CWC22: variants seen among roughly 807,000 people sequenced by gnomAD.
CWC22 encodes the protein pre-mRNA-splicing factor CWC22 homolog.
A neutral mutation model predicts 117.2 loss-of-function variants in CWC22; 53 were observed. The ratio of observed to expected loss-of-function variants is 0.45; its 90% CI spans 0.36 to 0.57. CWC22 has a LOEUF of 0.57. Among genes scored for constraint, CWC22 ranks in the 20% least tolerant of loss-of-function variants. The pLI, the probability that CWC22 is intolerant of heterozygous loss-of-function variation, is 0.00. For missense variants in CWC22, 980 were observed against 1,068.8 expected (o/e 0.92, Z 1.16); for synonymous variants, 360 against 355.6 (o/e 1.01, Z -0.14).
At chr2:179,955,241 T>C (rs1463323086) in intron 14 of CWC22, among the ~76,000 whole-genome samples, 1 of 152,026 alleles carries the variant, frequency 6.6e-6, no homozygotes. Flanking sequence ...CCACAGTCAT[T>C]TATGCTAATT....
chr2:179,977,672 A>G (rs1383635453), intron 6 of CWC22, among the ~76,000 whole-genome samples: 1 of 152,206 alleles, frequency 6.6e-6, no homozygotes, highest in Non-Finnish European at 1.5e-5. Flanking sequence ...GTTAATAACC[A>G]TATATTATAT....
In CWC22 at chr2:179,993,402, A is replaced by T; in HGVS notation, c.-61T>A. The T allele has an allele frequency of 8.4e-7, 1 of 1,196,686 alleles. No homozygotes were observed. 74.1% of individuals were successfully genotyped at this position (1,196,686 alleles called of 1,614,324 possible). Reference sequence around the variant, plus strand: ...CTTCAAACTGGTCCAAATAACAAGTACCCAATGCTCTGAATTCCTTGACAG... The same window carrying T: ...CTTCAAACTGGTCCAAATAACAAGTTCCCAATGCTCTGAATTCCTTGACAG... On this transcript the variant is annotated 5_prime_UTR_variant, in exon 2 of 20. Transcript: ENST00000410053.
At chr2:179,952,223 A>AAAC (rs977480837) in intron 17 of CWC22, among the ~76,000 whole-genome samples, 106 of 152,292 alleles carry the variant, frequency 7.0e-4, no homozygotes, top group African/African-American at 2.0e-3. Flanking sequence ...GAGCATACAA[A>AAAC]AACAATTCTG....
At chr2:179,962,523 C>T (rs982917331) in intron 13 of CWC22, among the ~76,000 whole-genome samples, 5 of 152,122 alleles carry the variant, frequency 3.3e-5, no homozygotes, top group Admixed American at 1.3e-4. Context: ...TTTTATCTGA[C>T]TTAATATTAC....
At chr2:179,988,888 T>G (rs542921060) in intron 2 of CWC22, among the ~76,000 whole-genome samples, 47 of 152,084 alleles carry the variant, frequency 3.1e-4, no homozygotes, top group African/African-American at 1.1e-3. Flanking sequence ...TTCTTTTTTT[T>G]TCTGTTTATT....
intron 1 of CWC22, among the ~76,000 whole-genome samples, chr2:179,995,749 G>A (rs1250240427): frequency 6.6e-6 from 1 of 152,212 alleles, no homozygotes; most frequent in African/African-American, 2.4e-5. Flanking sequence ...CCTTGAGAAA[G>A]GAGCAACATG....
chr2:179,993,325 G>A lies in CWC22; in HGVS notation c.17C>T (p.Ala6Val), dbSNP rs750015748. ...GTTTCAAACACTTACTTTTATCTGT[G>A]CCACACTACTTTTCATTTTCTGTTG... is the stretch of plus-strand genomic sequence containing the variant. Reference protein sequence around the residue: MKSSVAQIKPSSGHDR... With the variant: MKSSVVQIKPSSGHDR... The change falls in exon 2 of 20, where the codon GCA (alanine) becomes GTA (valine). Residue 6 changes from alanine to valine, a missense_variant. Ala to Val is a moderately conservative substitution (Grantham distance 64). Around this residue, in one of 3 missense-constraint regions of CWC22, gnomAD observed 559 missense variants for 602.3 expected, o/e 0.93. Transcript: ENST00000410053. The A allele has an allele frequency of 3.4e-5, 54 of 1,566,350 alleles. No homozygotes were observed. The highest frequency in any genetic ancestry group is 4.2e-5 in the Non-Finnish European group (49 of 1,152,956).
At chr2:180,002,480 G>C (rs542458206) in intron 1 of CWC22, among the ~76,000 whole-genome samples, 1 of 152,208 alleles carries the variant, frequency 6.6e-6, no homozygotes, top group South Asian at 2.1e-4. Flanking sequence ...AGTAAAAGAA[G>C]ATGAAAAAAG....
chr2:179,997,204 CA>C (rs1320266853), intron 1 of CWC22, among the ~76,000 whole-genome samples: 6 of 150,300 alleles, frequency 4.0e-5, no homozygotes, highest in Non-Finnish European at 8.9e-5. Flanking sequence ...AACTAGCGAC[CA>C]AAATGGATCT....
In CWC22 at chr2:179,950,642, A is replaced by G; in HGVS notation, c.2010T>C (p.Ser670=). The change falls in exon 19 of 20, where the codon TCT becomes TCC. Residue 670 remains serine (S), a synonymous_variant. Coordinates refer to ENST00000410053, the MANE Select transcript of CWC22 (RefSeq NM_020943.3). The part of the protein sequence containing the change: ...DVEQNKSSPS[S]SSSASSSSES... ...CTGAAGAGGAGGACGCTGAAGAGGA[A>G]GAGGATGGGGAGGATTTATTTTGCT... 6.2e-7 allele frequency: 1 copy of G among 1,613,632 alleles called. No individual in the cohort carries two copies. The highest frequency in any genetic ancestry group is 2.2e-5 in the East Asian group (1 of 44,866).
chr2:179,951,243 T>A (rs930977485), intron 17 of CWC22, among the ~76,000 whole-genome samples: 1 of 151,988 alleles, frequency 6.6e-6, no homozygotes, highest in Admixed American at 6.6e-5. Context: ...TGTATATATA[T>A]ACACACACGT....
chr2:179,994,767 T>C (rs1445041941), intron 1 of CWC22, among the ~76,000 whole-genome samples: 7 of 152,230 alleles, frequency 4.6e-5, no homozygotes, highest in Non-Finnish European at 7.4e-5. Context: ...GGCTCTTTCT[T>C]CAATTAGTTA....
At chr2:179,988,781 T>C (rs990407502) in intron 2 of CWC22, 137 bp from the exon 3 acceptor site, 1 of 529,728 alleles carries the variant, frequency 1.9e-6, no homozygotes, top group African/African-American at 2.0e-5. Context: ...GAATAATTCA[T>C]GTAACCTAAA....
chr2:180,003,842 C>G (rs1687905120), intron 1 of CWC22, among the ~76,000 whole-genome samples: 1 of 152,188 alleles, frequency 6.6e-6, no homozygotes, highest in Non-Finnish European at 1.5e-5. Flanking sequence ...GCCCATACCC[C>G]GTTTTTGGTA....
chr2:179,957,837 C>T (rs1297964558), intron 14 of CWC22, among the ~76,000 whole-genome samples: 8 of 51,566 alleles, frequency 1.6e-4, no homozygotes, highest in Admixed American at 7.2e-4. Context: ...ATATAATATA[C>T]ATTAGAAAAA....
intron 13 of CWC22, among the ~76,000 whole-genome samples, chr2:179,962,427 T>C (rs1336286961): frequency 6.6e-6 from 1 of 152,168 alleles, no homozygotes; most frequent in Non-Finnish European, 1.5e-5. Context: ...TAATCACTGT[T>C]GATATGTTAA....
At chr2:179,994,403 C>T (rs1575658181) in intron 1 of CWC22, among the ~76,000 whole-genome samples, 1 of 152,100 alleles carries the variant, frequency 6.6e-6, no homozygotes, top group Admixed American at 6.5e-5. Flanking sequence ...GCCAGATATC[C>T]TATTTCAATT....
chr2:179,993,270 T>C (rs748869986), intron 2 of CWC22, 45 bp downstream of exon 2: 113 of 1,346,106 alleles, frequency 8.4e-5, no homozygotes, highest in Middle Eastern at 1.8e-4. Flanking sequence ...GAATAGGTAA[T>C]TGACTATAAG....
At chr2:179,987,563 C>T (rs534416601) in intron 3 of CWC22, among the ~76,000 whole-genome samples, 1 of 152,082 alleles carries the variant, frequency 6.6e-6, no homozygotes, top group African/African-American at 2.4e-5. Flanking sequence ...AATTATGAAT[C>T]AGGGCAATTA....
Sources: gnomAD v4.1 joint callset for allele counts (sites outside exome capture counted in the v4.1 genomes callset) on GRCh38, gnomAD v4.1.1 for gene constraint, gnomAD v4.1.1 regional missense constraint, MANE v1.5 for transcripts, NCBI Gene and HGNC (gene_info 2026-07-23, HGNC 2026-07-21) for gene names.